Variants in ALOX5AP observed in about 807,000 individuals in gnomAD.
ALOX5AP encodes arachidonate 5-lipoxygenase-activating protein.
In ALOX5AP, 9 loss-of-function variants were observed where a neutral mutation model predicts 18.5. That is an observed-to-expected ratio of 0.49 (90% CI 0.29 to 0.85). ALOX5AP has a LOEUF of 0.85. Among genes scored for constraint, ALOX5AP ranks in the 40% least tolerant of loss-of-function variants. The pLI, the probability that ALOX5AP is intolerant of heterozygous loss-of-function variation, is 0.08. For missense variants in ALOX5AP, 172 were observed against 202.5 expected, an observed-to-expected ratio of 0.85 and a Z score of 0.91; for synonymous variants, 81 against 78.6, an observed-to-expected ratio of 1.03 and a Z score of -0.16.
chr13:30,755,136 A>C (rs773454083), intron 3 of ALOX5AP, among the ~76,000 whole-genome samples: 1 of 152,082 alleles, frequency 6.6e-6, no homozygotes, highest in Non-Finnish European at 1.5e-5. Context: ...TAGAATGCAG[A>C]GGGAATCTCC....
At chr13:30,747,536 C>T (rs953395756) in intron 2 of ALOX5AP, among the ~76,000 whole-genome samples, 3 of 152,154 alleles carry the variant, frequency 2.0e-5, no homozygotes, top group Admixed American at 6.5e-5. Flanking sequence ...GCTAGAGCAG[C>T]CTTGGTCAAA....
intron 4 of ALOX5AP, among the ~76,000 whole-genome samples, chr13:30,756,525 A>G (rs1324501706): frequency 1.3e-5 from 2 of 152,176 alleles, no homozygotes; most frequent in African/African-American, 4.8e-5. Context: ...TGCAGACATG[A>G]CAGCAGGGTG....
intron 1 of ALOX5AP, among the ~76,000 whole-genome samples, chr13:30,742,859 G>GCCCCCCCCCCCCCCCCCCCCCCCCC (rs11316477): frequency 9.4e-6 from 1 of 105,970 alleles, no homozygotes; most frequent in Non-Finnish European, 1.9e-5. Context: ...GACCTTCACC[G>GCCCCCCCCCCCCCCCCCCCCCCCCC]CCCCCCCCCC....
At chr13:30,756,206 T>A (rs1300729142) in intron 4 of ALOX5AP, among the ~76,000 whole-genome samples, 181 bp downstream of exon 4, 7 of 152,138 alleles carry the variant, frequency 4.6e-5, no homozygotes, top group Non-Finnish European at 1.0e-4. Flanking sequence ...GCTCTGAAAA[T>A]ACAGCTGGGG....
At chr13:30,729,899 C>T (rs1282500717) in intron 1 of ALOX5AP, among the ~76,000 whole-genome samples, 1 of 152,182 alleles carries the variant, frequency 6.6e-6, no homozygotes, top group Non-Finnish European at 1.5e-5. Flanking sequence ...TCTTACACAA[C>T]ACACTACGTG....
At chr13:30,723,409 A>G (rs1012491534) in intron 1 of ALOX5AP, among the ~76,000 whole-genome samples, 1 of 152,204 alleles carries the variant, frequency 6.6e-6, no homozygotes, top group African/African-American at 2.4e-5. Flanking sequence ...ATATCTGGTC[A>G]CCTTACCTTA....
intron 1 of ALOX5AP, among the ~76,000 whole-genome samples, chr13:30,739,444 T>C (rs1053335075): frequency 9.8e-5 from 15 of 152,346 alleles, no homozygotes; most frequent in Middle Eastern, 3.4e-3. Flanking sequence ...TATATTATTA[T>C]TGTTATTTTT....
At chr13:30,714,160 C>G (rs1951530814) in intron 1 of ALOX5AP, among the ~76,000 whole-genome samples, 1 of 138,074 alleles carries the variant, frequency 7.2e-6, no homozygotes, top group Non-Finnish European at 1.5e-5. Context: ...CTTTAGAGAA[C>G]AGATGCCGAA....
At chr13:30,760,852 A>G (rs993846254) in intron 4 of ALOX5AP, among the ~76,000 whole-genome samples, 1 of 152,164 alleles carries the variant, frequency 6.6e-6, no homozygotes, top group Non-Finnish European at 1.5e-5. Flanking sequence ...CTCATTTAGG[A>G]TTATGTACCA....
intron 2 of ALOX5AP, among the ~76,000 whole-genome samples, chr13:30,748,804 G>T (rs1363932161): frequency 1.3e-5 from 2 of 152,128 alleles, no homozygotes; most frequent in Non-Finnish European, 2.9e-5. Flanking sequence ...TGAGCAAACT[G>T]AGGCTCATTG....
chr13:30,750,286 T>A (rs191367246), intron 2 of ALOX5AP, among the ~76,000 whole-genome samples: 1 of 152,308 alleles, frequency 6.6e-6, no homozygotes, highest in African/African-American at 2.4e-5. Flanking sequence ...CCAGAGAGAT[T>A]GTTTTGCCAA....
upstream of ALOX5AP, among the ~76,000 whole-genome samples, chr13:30,733,018 G>T (rs1055824014): frequency 4.6e-5 from 7 of 152,186 alleles, no homozygotes; most frequent in African/African-American, 1.7e-4. Context: ...AATTAGCCAG[G>T]CGTGGTGGTG....
At chr13:30,726,728 C>T (rs941481758) in intron 1 of ALOX5AP, among the ~76,000 whole-genome samples, 3 of 152,118 alleles carry the variant, frequency 2.0e-5, no homozygotes, top group African/African-American at 7.2e-5. Flanking sequence ...GATGAGCTCT[C>T]GCCATGTTGC....
At chr13:30,714,153 T>C (rs1168992509) in intron 1 of ALOX5AP, among the ~76,000 whole-genome samples, 1 of 149,862 alleles carries the variant, frequency 6.7e-6, no homozygotes, top group African/African-American at 2.5e-5. Flanking sequence ...CCTGGCTCTT[T>C]AGAGAACAGA....
At chr13:30,727,182 TAG>T (rs914581345) in intron 1 of ALOX5AP, among the ~76,000 whole-genome samples, 1 of 151,578 alleles carries the variant, frequency 6.6e-6, no homozygotes, top group African/African-American at 2.4e-5. Context: ...GCCTCCAGAG[TAG>T]CTGGGATTAT....
chr13:30,760,654 C>T (rs970401904), intron 4 of ALOX5AP, among the ~76,000 whole-genome samples: 17 of 152,260 alleles, frequency 1.1e-4, no homozygotes, highest in African/African-American at 4.1e-4. Flanking sequence ...CAGGTCTGAA[C>T]TCCTGTGTTG....
chr13:30,713,774 A>C, exon 1 of ALOX5AP: 1 of 1,535,714 alleles, frequency 6.5e-7, no homozygotes, highest in Non-Finnish European at 8.7e-7. Flanking sequence ...GAAGACTCTG[A>C]AAACTTCTGA....
chr13:30,755,836 C>T (rs1457925848), intron 3 of ALOX5AP, 108 bp from the exon 4 acceptor site: 15 of 1,038,238 alleles, frequency 1.4e-5, no homozygotes, highest in East Asian at 1.2e-4. Flanking sequence ...TCCTGAAGTG[C>T]GTGTGTCTTC....
chr13:30,718,381 G>GCATA (rs1951566194), intron 1 of ALOX5AP, among the ~76,000 whole-genome samples: 1 of 15,128 alleles, frequency 6.6e-5, no homozygotes, highest in East Asian at 1.4e-3. Context: ...TCACAGATAT[G>GCATA]CATATATATA....
Sources: allele counts gnomAD v4.1 joint callset (sites outside exome capture counted in the v4.1 genomes callset), GRCh38; gene constraint gnomAD v4.1.1; transcripts MANE v1.5; gene names NCBI Gene and HGNC (gene_info 2026-07-23, HGNC 2026-07-21).